Variants in ADAMTS3 observed in about 807,000 individuals in gnomAD.
ADAMTS3 encodes A disintegrin and metalloproteinase with thrombospondin motifs 3.
Under a neutral mutation model 129.0 loss-of-function variants are expected in ADAMTS3, and 73 were observed. The ratio of observed to expected loss-of-function variants is 0.57; its 90% CI spans 0.47 to 0.69. The LOEUF is 0.69. ADAMTS3 is among the 30% of genes least tolerant of loss of function. The pLI is 0.00. For synonymous variants in ADAMTS3, 477 were observed against 510.8 expected, an observed-to-expected ratio of 0.93 and a Z score of 0.89; for missense variants, 1,457 against 1,514.5, an observed-to-expected ratio of 0.96 and a Z score of 0.63.
At chr4:72,470,361 T>TTATATATACATATA (rs1553917049) in intron 3 of ADAMTS3, among the ~76,000 whole-genome samples, 2 of 116,482 alleles carry the variant, frequency 1.7e-5, no homozygotes, top group Admixed American at 9.4e-5. Context: ...TATTTTAAGT[T>TTATATATACATATA]TATATATATA....
intron 3 of ADAMTS3, among the ~76,000 whole-genome samples, chr4:72,485,601 T>C (rs1346300035): frequency 6.6e-6 from 1 of 152,202 alleles, no homozygotes; most frequent in Admixed American, 6.5e-5. Context: ...CCTAACTTCC[T>C]ATTTTTTAAG....
chr4:72,344,810 C>T (rs1406850871), intron 4 of ADAMTS3, among the ~76,000 whole-genome samples: 3 of 152,082 alleles, frequency 2.0e-5, no homozygotes, highest in African/African-American at 7.2e-5. Context: ...GAGTCTGACA[C>T]TTTAAAGGAG....
intron 15 of ADAMTS3, 117 bp downstream of exon 15, chr4:72,309,280 T>G (rs1268907929): frequency 3.7e-5 from 37 of 1,009,972 alleles, no homozygotes; most frequent in Non-Finnish European, 5.4e-5. Context: ...TAACAATAAA[T>G]CAGCAGCTAA....
intron 3 of ADAMTS3, among the ~76,000 whole-genome samples, chr4:72,454,251 G>T (rs1718485124): frequency 6.6e-6 from 1 of 151,330 alleles, no homozygotes; most frequent in Non-Finnish European, 1.5e-5. Context: ...AATGACCTTT[G>T]ACTTAAGTAT....
chr4:72,354,589 A>G (rs1720527471), intron 4 of ADAMTS3, among the ~76,000 whole-genome samples: 1 of 151,994 alleles, frequency 6.6e-6, no homozygotes, highest in African/African-American at 2.4e-5. Flanking sequence ...TCATTCAATA[A>G]TAGAGTTTTA....
chr4:72,447,099 C>T (rs1291414342), intron 3 of ADAMTS3, among the ~76,000 whole-genome samples: 1 of 151,692 alleles, frequency 6.6e-6, no homozygotes, highest in African/African-American at 2.4e-5. Flanking sequence ...ATCCCAGTTC[C>T]ACTCCTATCA....
chr4:72,544,106 A>G (rs1206219110), intron 3 of ADAMTS3, among the ~76,000 whole-genome samples: 1 of 152,130 alleles, frequency 6.6e-6, no homozygotes, highest in Non-Finnish European at 1.5e-5. Context: ...CCTATTTAGG[A>G]TGACAAAGCA....
chr4:72,509,877 A>C (rs1322665800), intron 3 of ADAMTS3, among the ~76,000 whole-genome samples: 1 of 152,066 alleles, frequency 6.6e-6, no homozygotes, highest in East Asian at 1.9e-4. Context: ...AACTACTAGC[A>C]AACCAAATTC....
chr4:72,356,558 G>C (rs532714848), intron 4 of ADAMTS3, among the ~76,000 whole-genome samples: 18 of 151,572 alleles, frequency 1.2e-4, no homozygotes, highest in East Asian at 5.8e-4. Flanking sequence ...AACTCAACAA[G>C]GCTATAAAAT....
chr4:72,528,856 C>T lies in ADAMTS3; in HGVS notation c.504+19622G>A, dbSNP rs543807451. Among the ~76,000 whole-genome samples, 5 of 152,172 alleles carry T rather than the reference C, an allele frequency of 3.3e-5. No homozygotes were observed. The South Asian group carries it at 6.2e-4, about 19-fold the overall frequency. On this transcript the variant is annotated intron_variant, in intron 3 of 21. Transcript: ENST00000286657. ...ATTAATTTGTTGAGTACACACTCTA[C>T]GCCAAGAATTGTTAAAAACCCAAGG...
intron 1 of ADAMTS3, among the ~76,000 whole-genome samples, chr4:72,568,436 T>C (rs1234317645): frequency 4.6e-5 from 7 of 152,090 alleles, no homozygotes; most frequent in South Asian, 2.1e-4. Flanking sequence ...TTGTTACGAA[T>C]GTCGCAGACT....
chr4:72,282,201 A>G lies in ADAMTS3; in HGVS notation c.*935T>C, dbSNP rs777920995. The G allele has an allele frequency of 2.6e-5, 4 of 152,196 alleles. No individual in the cohort carries two copies. Among genetic ancestry groups the G allele is most frequent in the Non-Finnish European group, 5.9e-5 (4 of 68,028 alleles). 9.4% of individuals were successfully genotyped at this position (152,196 alleles called of 1,614,324 possible). On this transcript the variant is annotated 3_prime_UTR_variant, in exon 22 of 22. Coordinates refer to ENST00000286657, the MANE Select transcript of ADAMTS3 (RefSeq NM_014243.3). ...ACTGTTTGTATCTGTCAACAATGCG[A>G]AAATTAAAAAAGAACACACACACAC... is the stretch of plus-strand genomic sequence containing the variant.
At chr4:72,419,530 C>T (rs898055250) in intron 3 of ADAMTS3, among the ~76,000 whole-genome samples, 3 of 152,134 alleles carry the variant, frequency 2.0e-5, no homozygotes, top group South Asian at 4.1e-4. Context: ...CAACCTGTGT[C>T]CTGTGGGCCA....
intron 15 of ADAMTS3, among the ~76,000 whole-genome samples, chr4:72,308,742 C>T (rs573004289): frequency 3.3e-5 from 5 of 151,922 alleles, no homozygotes; most frequent in East Asian, 1.9e-4. Flanking sequence ...TTATTTGATG[C>T]ATGAAGACAG....
chr4:72,376,837 A>G (rs75727281), intron 4 of ADAMTS3, among the ~76,000 whole-genome samples: 1,604 of 152,242 alleles, frequency 0.011, 24 homozygotes, highest in African/African-American at 0.037. Flanking sequence ...ACTGCCAAGG[A>G]TGGTATTTTT....
At chr4:72,470,855 C>T (rs564840431) in intron 3 of ADAMTS3, among the ~76,000 whole-genome samples, 13 of 151,518 alleles carry the variant, frequency 8.6e-5, no homozygotes, top group South Asian at 4.1e-4. Context: ...CCTGTTAAAG[C>T]GTAACAATTA....
chr4:72,304,137 G>GTGAATCTTCAGCACTT, intron 16 of ADAMTS3, 57 bp from the exon 17 acceptor site: 1 of 1,523,148 alleles, frequency 6.6e-7, no homozygotes. Flanking sequence ...ATTAAGTGCT[G>GTGAATCTTCAGCACTT]AAGATTCACA....
chr4:72,509,373 T>A (rs1720251764), intron 3 of ADAMTS3, among the ~76,000 whole-genome samples: 1 of 151,434 alleles, frequency 6.6e-6, no homozygotes, highest in African/African-American at 2.4e-5. Context: ...AATGAATGAA[T>A]CTTTAGCCAA....
intron 10 of ADAMTS3, 21 bp from the exon 11 acceptor site, chr4:72,315,992 T>C (rs1719386174): frequency 6.7e-7 from 1 of 1,492,194 alleles, no homozygotes; most frequent in Non-Finnish European, 9.3e-7. Context: ...GATAATCAAA[T>C]TGTCAGTGAA....
Sources: allele counts gnomAD v4.1 joint callset (sites outside exome capture counted in the v4.1 genomes callset), GRCh38; gene constraint gnomAD v4.1.1; transcripts MANE v1.5; gene names NCBI Gene and HGNC (gene_info 2026-07-23, HGNC 2026-07-21).